The following SAG variants were observed in gnomAD, a reference collection of about 807,000 sequenced individuals.
SAG encodes the protein S-arrestin.
A neutral mutation model predicts 55.0 loss-of-function variants in SAG; 45 were observed. The ratio of observed to expected loss-of-function variants is 0.82; its 90% CI spans 0.64 to 1.05. SAG has a LOEUF of 1.05. Among genes scored for constraint, SAG ranks in the 50% least tolerant of loss-of-function variants. The probability of loss-of-function intolerance (pLI) is 0.00; values close to 1 mark genes in which losing one functional copy is unlikely to be tolerated. For synonymous variants in SAG, 189 were observed against 197.4 expected (o/e 0.96, Z 0.36); for missense variants, 455 against 512.1 (o/e 0.89, Z 1.08).
chr2:233,318,735 C>T lies in SAG; in HGVS notation c.137-16C>T, dbSNP rs1273817821. ...ATCTTCTCCACCCTCACTGCTCTCT[C>T]CCTCTTTTGCCTTAGATGGTGTCGT... On this transcript the variant is annotated splice_polypyrimidine_tract_variant and intron_variant, in intron 3 of 15. Transcript: ENST00000409110. The T allele has an allele frequency of 1.2e-6, 2 of 1,612,776 alleles. No homozygotes were observed. The highest frequency in any genetic ancestry group is 1.7e-5 in the Admixed American group (1 of 60,016).
Position 233,316,214 on chromosome 2 carries a change from T to C in SAG, c.136+79T>C. 1.1e-5 allele frequency: 9 copies of C among 820,338 alleles called. No individual in the cohort carries two copies. In the South Asian group the frequency reaches 1.4e-4, roughly 13 times the overall value. The allele number at this position is 820,338 out of a possible 1,614,324, so 50.8% of individuals were successfully genotyped here. ...CCGCTCACTTTGTGTTTTTAAAAAC[T>C]GGCCTTGCTAATAATCTAAATAAAG... On this transcript the variant is annotated intron_variant, in intron 3 of 15. Transcript: ENST00000409110.
At chr2:233,312,170 C>T (rs917538751) in intron 2 of SAG, among the ~76,000 whole-genome samples, 1 of 152,164 alleles carries the variant, frequency 6.6e-6, no homozygotes, top group Non-Finnish European at 1.5e-5. Flanking sequence ...ACCTTAAGAA[C>T]AACCACCAAC....
rs552438770 is a variant in SAG at position 233,340,434 on chromosome 2, G to A, written c.1023-21G>A. 2 of 1,608,862 alleles carry A rather than the reference G, an allele frequency of 1.2e-6. No homozygotes were observed. The highest frequency in any genetic ancestry group is 3.3e-4 in the Middle Eastern group (2 of 6,056). ...TTACCACTGTGACAGTTAACGACAG[G>A]CGTTTGTTTGTGTTTTCTAGCTTTC... On this transcript the variant is annotated intron_variant, in intron 12 of 15. Transcript: ENST00000409110. The surrounding 1 kb of genome is among the most constrained non-coding windows in gnomAD (Gnocchi z 4.2).
rs1054084491 is a variant in SAG at position 233,334,970 on chromosome 2, T to C, written c.815T>C (p.Val272Ala). Residue 272 changes from valine (V) to alanine (A), a missense_variant, in exon 11 of 16, where the codon GTG becomes GCG. Val to Ala is a moderately conservative substitution (Grantham distance 64). Coordinates refer to ENST00000409110, the MANE Select transcript of SAG (RefSeq NM_000541.5). Reference protein sequence around the residue: ...PVAMEEAQEKVPPNSTLTKTL... With the variant: ...PVAMEEAQEKAPPNSTLTKTL... ...TGTTCTTCTTCCTCTAGAGAAAAAG[T>C]GCCACCAAACAGCACTTTGACCAAG... The C allele has an allele frequency of 3.7e-6, 6 of 1,613,852 alleles. No individual in the cohort carries two copies. The highest frequency in any genetic ancestry group is 1.6e-4 in the Middle Eastern group (1 of 6,084).
rs766012502 is a variant in SAG at position 233,340,406 on chromosome 2, G to A, written c.1023-49G>A. The A allele has an allele frequency of 9.5e-6, 15 of 1,573,984 alleles. No individual in the cohort carries two copies. Among genetic ancestry groups the A allele is most frequent in the Non-Finnish European group, 1.1e-5 (13 of 1,148,150 alleles). ...TGCCTCTGAATCATGGGAAAGGGTC[G>A]TGTTACCACTGTGACAGTTAACGAC... On this transcript the variant is annotated intron_variant, in intron 12 of 15. Coordinates refer to ENST00000409110, the MANE Select transcript of SAG (RefSeq NM_000541.5). The surrounding 1 kb of genome is among the most constrained non-coding windows in gnomAD (Gnocchi z 4.2).
At chr2:233,321,713 A>G (rs924157165) in intron 5 of SAG, among the ~76,000 whole-genome samples, 8 of 152,114 alleles carry the variant, frequency 5.3e-5, no homozygotes, top group African/African-American at 1.9e-4. Context: ...GTGTGAATGT[A>G]CTTCATGCCA....
chr2:233,322,986 CT>C lies in SAG; in HGVS notation c.417del (p.Pro140HisfsTer38). 6.3e-7 allele frequency: 1 copy of C among 1,576,882 alleles called. No individual in the cohort carries two copies. Among genetic ancestry groups the C allele is most frequent in the Non-Finnish European group, 8.6e-7 (1 of 1,157,660 alleles). On this transcript the variant is annotated frameshift_variant, in exon 6 of 16. Coordinates refer to ENST00000409110, the MANE Select transcript of SAG (RefSeq NM_000541.5). LOFTEE classifies it high-confidence loss of function. ...YLPCSVMLQP[A>X]PQDSGKSCGV... The stretch of plus-strand genomic sequence containing the variant: ...CCCTGTTCAGTGATGTTGCAGCCAG[CT>C]CCACAAGATTCAGGGAAGGTTAGTT...
intron 14 of SAG, chr2:233,346,164 T>TTAA: frequency 4.9e-6 from 1 of 204,166 alleles, no homozygotes; most frequent in Non-Finnish European, 9.6e-6. Flanking sequence ...TAAAATAAAA[T>TTAA]AATAAAATAA....
intron 10 of SAG, chr2:233,333,812 T>C (rs1397867425): frequency 6.6e-6 from 1 of 152,230 alleles, no homozygotes; most frequent in East Asian, 1.9e-4. Context: ...TTAAGAGAGG[T>C]TCCACCAGGA....
Position 233,316,072 on chromosome 2 carries a change from C to T in SAG, c.76-3C>T. 1 of 1,575,202 alleles carries T rather than the reference C, an allele frequency of 6.3e-7. No homozygotes were observed. Among genetic ancestry groups the T allele is most frequent in the Non-Finnish European group, 8.7e-7 (1 of 1,152,628 alleles). ...CTTAGACCCACACCTGTTCTTCTTG[C>T]AGGTGACCATCTACCTGGGGAACAG... On this transcript the variant is annotated splice_region_variant and splice_polypyrimidine_tract_variant and intron_variant, in intron 2 of 15. Transcript: ENST00000409110.
intron 14 of SAG, chr2:233,346,164 T>TAATAAAATAAAATAA (rs71058547): frequency 3.4e-5 from 7 of 204,184 alleles, no homozygotes; most frequent in East Asian, 3.0e-4. Context: ...TAAAATAAAA[T>TAATAAAATAAAATAA]AATAAAATAA....
chr2:233,323,027 A>G (rs369024969), intron 6 of SAG, 22 bp downstream of exon 6: 481 of 1,452,024 alleles, frequency 3.3e-4, no homozygotes, highest in Non-Finnish European at 4.4e-4. Context: ...AAGAAATGCC[A>G]TGGTTTTATG....
chr2:233,346,344 A>G (rs1167211558), intron 14 of SAG, 59 bp from the exon 15 acceptor site: 2 of 1,576,608 alleles, frequency 1.3e-6, no homozygotes, highest in African/African-American at 2.7e-5. Flanking sequence ...TATAGAATTT[A>G]GACTAACAAA....
intron 4 of SAG, among the ~76,000 whole-genome samples, chr2:233,320,300 A>G (rs7564805): frequency 0.064 from 9,705 of 152,294 alleles, 362 homozygotes; most frequent in South Asian, 0.1. Context: ...GCACTGTCTC[A>G]AAGCCTCTGA....
At chr2:233,346,318 C>G (rs1313700455) in intron 14 of SAG, 85 bp from the exon 15 acceptor site, 6 of 1,421,428 alleles carry the variant, frequency 4.2e-6, no homozygotes, top group Non-Finnish European at 5.0e-6. Flanking sequence ...TAGACATTTT[C>G]TAGGTACAGC....
At chr2:233,320,961 T>G in intron 5 of SAG, 138 bp downstream of exon 5, 1 of 695,328 alleles carries the variant, frequency 1.4e-6, no homozygotes, top group Non-Finnish European at 2.4e-6. Context: ...AAATTCTAGA[T>G]TGCATGGTCT....
chr2:233,308,791 G>T (rs928238934), intron 1 of SAG, among the ~76,000 whole-genome samples: 1 of 152,066 alleles, frequency 6.6e-6, no homozygotes, highest in Admixed American at 6.6e-5. Context: ...GAACTTTTCT[G>T]ATTTATTCGC....
At chr2:233,321,332 C>T (rs946878772) in intron 5 of SAG, among the ~76,000 whole-genome samples, 5 of 152,122 alleles carry the variant, frequency 3.3e-5, no homozygotes, top group African/African-American at 2.4e-5. Flanking sequence ...AAGTCTTGGG[C>T]GTGAGCTCAA....
intron 7 of SAG, 43 bp downstream of exon 7, chr2:233,327,240 G>A (rs747947404): frequency 3.2e-5 from 49 of 1,529,952 alleles, no homozygotes; most frequent in Middle Eastern, 3.4e-4. Context: ...CTGCGGTGGG[G>A]GTGGAGAGAA....
Sources: allele counts gnomAD v4.1 joint callset (sites outside exome capture counted in the v4.1 genomes callset), GRCh38; gene constraint gnomAD v4.1.1; non-coding constraint Gnocchi (gnomAD v3.1); transcripts MANE v1.5; gene names NCBI Gene and HGNC (gene_info 2026-07-23, HGNC 2026-07-21).